The following RHOT1 variants were observed in gnomAD, a reference collection of about 807,000 sequenced individuals.
RHOT1 encodes ras homolog family member T1, also known as mitochondrial Rho GTPase 1.
In RHOT1, 27 loss-of-function variants were observed where a neutral mutation model predicts 95.3. That is an observed-to-expected ratio of 0.28 (90% CI 0.21 to 0.39). The LOEUF (loss-of-function observed/expected upper bound fraction) is 0.39, where lower values mean the gene tolerates loss of function less well. Ranked by LOEUF, RHOT1 falls within the 10% of genes least tolerant of loss-of-function variation. RHOT1 has a pLI of 1.00. For synonymous variants in RHOT1, 227 were observed against 263.5 expected, an observed-to-expected ratio of 0.86 and a Z score of 1.34; for missense variants, 578 against 786.7, an observed-to-expected ratio of 0.73 and a Z score of 3.17.
intron 8 of RHOT1, among the ~76,000 whole-genome samples, chr17:32,189,509 C>T (rs867568067): frequency 1.1e-4 from 16 of 152,154 alleles, no homozygotes; most frequent in Middle Eastern, 3.4e-3. Flanking sequence ...TTACTTTGTT[C>T]TCGGGCCTGT....
intron 10 of RHOT1, among the ~76,000 whole-genome samples, chr17:32,193,784 C>T (rs1307782604): frequency 6.6e-6 from 1 of 152,186 alleles, no homozygotes; most frequent in Non-Finnish European, 1.5e-5. Context: ...CTAGTGCTCT[C>T]TCTTGCTGAG....
chr17:32,206,190 A>ATTTTTTTTTT (rs2037710072), intron 16 of RHOT1, among the ~76,000 whole-genome samples: 1 of 122,506 alleles, frequency 8.2e-6, no homozygotes, highest in African/African-American at 3.4e-5. Context: ...CTTCCATAGA[A>ATTTTTTTTTT]TCTTTTTTTT....
chr17:32,218,897 C>A (rs375516237), intron 19 of RHOT1, among the ~76,000 whole-genome samples: 2 of 152,100 alleles, frequency 1.3e-5, no homozygotes, highest in African/African-American at 4.8e-5. Context: ...TACGTAATTA[C>A]AAATGAGAAA....
At position 32,202,124 on chromosome 17, in the gene RHOT1, A is replaced by G. The variant is rs543251701; in HGVS notation, c.1202-646A>G. On this transcript the variant is annotated intron_variant, in intron 14 of 19. Coordinates refer to ENST00000545287, the MANE Select transcript of RHOT1 (RefSeq NM_001033566.3). Reference sequence around the variant, plus strand: ...ATGGGGTTTCACTGTGTTGGCCAGGATGGTCTCAATCTCTTGACCTTGTGA... The same window carrying G: ...ATGGGGTTTCACTGTGTTGGCCAGGGTGGTCTCAATCTCTTGACCTTGTGA... Among the ~76,000 whole-genome samples, 12 of 152,176 alleles carry G rather than the reference A, an allele frequency of 7.9e-5. 1 individual carries two copies. In the South Asian group the frequency reaches 2.5e-3, roughly 32 times the overall value.
chr17:32,194,882 G>T (rs2036757307), intron 11 of RHOT1, among the ~76,000 whole-genome samples: 1 of 144,882 alleles, frequency 6.9e-6, no homozygotes, highest in African/African-American at 2.6e-5. Flanking sequence ...AGGCTGGAGT[G>T]CAGTGTCACG....
At chr17:32,193,435 A>G (rs555349437) in intron 10 of RHOT1, among the ~76,000 whole-genome samples, 191 bp downstream of exon 10, 57 of 152,218 alleles carry the variant, frequency 3.7e-4, no homozygotes, top group South Asian at 8.3e-4. Flanking sequence ...TTTACTACCA[A>G]TATAAATTAG....
chr17:32,154,892 T>TAA (rs1210197093), intron 1 of RHOT1, among the ~76,000 whole-genome samples: 4 of 137,310 alleles, frequency 2.9e-5, no homozygotes, highest in Admixed American at 1.5e-4. Flanking sequence ...AGGATCCATC[T>TAA]AAAAAAAAAA....
At chr17:32,168,127 T>C (rs2034253451) in intron 1 of RHOT1, among the ~76,000 whole-genome samples, 1 of 152,008 alleles carries the variant, frequency 6.6e-6, no homozygotes, top group Admixed American at 6.6e-5. Flanking sequence ...AAAAAAAGAT[T>C]CCTTTCAAAA....
chr17:32,224,678 C>T lies in RHOT1; in HGVS notation c.1925C>T (p.Thr642Ile). The change falls in exon 20 of 20, where the codon ACT (threonine) becomes ATT (isoleucine). Residue 642 changes from threonine to isoleucine, a missense_variant. Around this residue, in one of 4 missense-constraint regions of RHOT1, gnomAD observed 296 missense variants for 338.5 expected, o/e 0.87. Coordinates refer to ENST00000545287, the MANE Select transcript of RHOT1 (RefSeq NM_001033566.3). ...TGGCTTCGAGCAAGTTTTGGTGCTACTGTTTTTGCAGTTTTGGGCTTTGCT... is the reference window on the plus strand; with the variant it reads ...TGGCTTCGAGCAAGTTTTGGTGCTATTGTTTTTGCAGTTTTGGGCTTTGCT... ...TFWLRASFGA[T>I]VFAVLGFAMY... 1 of 1,613,650 alleles carries T rather than the reference C, an allele frequency of 6.2e-7. No homozygotes were observed. Among genetic ancestry groups the T allele is most frequent in the Non-Finnish European group, 8.5e-7 (1 of 1,179,720 alleles).
chr17:32,175,037 G>A (rs925998132), intron 3 of RHOT1, among the ~76,000 whole-genome samples: 4 of 152,188 alleles, frequency 2.6e-5, no homozygotes, highest in African/African-American at 9.7e-5. Flanking sequence ...GATTTCTGAA[G>A]TCCTTTGCCT....
intron 1 of RHOT1, among the ~76,000 whole-genome samples, chr17:32,162,494 T>TA (rs1174853994): frequency 5.3e-5 from 8 of 152,240 alleles, no homozygotes; most frequent in African/African-American, 1.9e-4. Context: ...AGCGACCTGT[T>TA]ATTCCCAGTT....
chr17:32,195,074 C>T (rs543641744), intron 11 of RHOT1, among the ~76,000 whole-genome samples: 3 of 151,912 alleles, frequency 2.0e-5, no homozygotes, highest in Non-Finnish European at 4.4e-5. Context: ...ATCCACCCGC[C>T]TCAGCCTCCC....
chr17:32,194,237 C>G, intron 11 of RHOT1, 130 bp downstream of exon 11: 1 of 897,424 alleles, frequency 1.1e-6, no homozygotes, highest in Non-Finnish European at 1.7e-6. Flanking sequence ...TCCCAAATTG[C>G]TGTGATTAAA....
chr17:32,215,388 C>A (rs982992500), intron 19 of RHOT1, among the ~76,000 whole-genome samples: 1 of 152,134 alleles, frequency 6.6e-6, no homozygotes, highest in Non-Finnish European at 1.5e-5. Flanking sequence ...CCTAACCCCA[C>A]CTTGATGTGA....
In RHOT1 at chr17:32,208,197, A is replaced by G. The variant is rs779400000; in HGVS notation, c.1627A>G (p.Thr543Ala). The change falls in exon 18 of 20, where the codon ACT becomes GCT. Residue 543 changes from threonine to alanine, a missense_variant. Coordinates refer to ENST00000545287, the MANE Select transcript of RHOT1 (RefSeq NM_001033566.3). ...EVKQEYSISP[T>A]DFCRKHKMPP... ...TAAACAAGAATACAGTATTTCACCT[A>G]CTGATTTCTGCAGGAAACACAAAAT... 3.7e-5 allele frequency: 60 copies of G among 1,613,982 alleles called. No individual in the cohort carries two copies. Among genetic ancestry groups the G allele is most frequent in the Non-Finnish European group, 4.4e-5 (52 of 1,179,942 alleles).
intron 19 of RHOT1, among the ~76,000 whole-genome samples, chr17:32,214,954 G>A (rs923585708): frequency 2.8e-5 from 4 of 141,832 alleles, no homozygotes; most frequent in Admixed American, 7.3e-5. Context: ...CCACCCAGGC[G>A]GGAGTGCAGT....
At position 32,193,851 on chromosome 17, in the gene RHOT1, G is replaced by A. The variant is rs143357555; in HGVS notation, c.749-136G>A. ...AGCTCTGTTTCATTGAGATACTTGT[G>A]AATTTTGTTTTGTTTTGAGCTTTAC... On this transcript the variant is annotated intron_variant, in intron 10 of 19. Coordinates refer to ENST00000545287, the MANE Select transcript of RHOT1 (RefSeq NM_001033566.3). 1.1e-3 allele frequency: 1,142 copies of A among 1,076,656 alleles called. 13 individuals carry two copies. The African/African-American group carries it at 0.016, about 15-fold the overall frequency. The allele number at this position is 1,076,656 out of a possible 1,614,324, so 66.7% of individuals were successfully genotyped here.
chr17:32,193,881 C>A, intron 10 of RHOT1, 106 bp from the exon 11 acceptor site: 1 of 1,355,068 alleles, frequency 7.4e-7, no homozygotes, highest in Non-Finnish European at 1.0e-6. Context: ...CTTTACAATG[C>A]AAAGCTAGCA....
At chr17:32,166,643 C>T (rs185216758) in intron 1 of RHOT1, among the ~76,000 whole-genome samples, 2 of 152,332 alleles carry the variant, frequency 1.3e-5, no homozygotes, top group Admixed American at 6.5e-5. Context: ...TTGCTCACAG[C>T]ATCTTCACCA....
Sources: gnomAD v4.1 joint callset for allele counts (sites outside exome capture counted in the v4.1 genomes callset) on GRCh38, gnomAD v4.1.1 for gene constraint, gnomAD v4.1.1 regional missense constraint, MANE v1.5 for transcripts, NCBI Gene and HGNC (gene_info 2026-07-23, HGNC 2026-07-21) for gene names.